TANGO6: variants seen among roughly 807,000 people sequenced by gnomAD.
The protein encoded by TANGO6 is transport and Golgi organization protein 6 homolog.
TANGO6 carries 90 observed loss-of-function variants against 114.2 expected under a neutral mutation model. The observed-to-expected ratio is 0.79, with a 90% confidence interval of 0.66 to 0.94. The LOEUF (loss-of-function observed/expected upper bound fraction) is 0.94, where lower values mean the gene tolerates loss of function less well. TANGO6 is among the 40% of genes least tolerant of loss of function. TANGO6 has a pLI of 0.00. For missense variants in TANGO6, 1,274 were observed against 1,315.3 expected (o/e 0.97, Z 0.49); for synonymous variants, 477 against 509.8 (o/e 0.94, Z 0.87).
At chr16:68,884,295 G>T (rs772478721) in intron 7 of TANGO6, among the ~76,000 whole-genome samples, 23 of 152,132 alleles carry the variant, frequency 1.5e-4, no homozygotes, top group Admixed American at 5.2e-4. Context: ...CCCTTTGAGG[G>T]TTGACCTGGC....
intron 2 of TANGO6, 26 bp from the exon 3 acceptor site, chr16:68,862,919 T>C: frequency 6.7e-7 from 1 of 1,499,396 alleles, no homozygotes; most frequent in Non-Finnish European, 9.1e-7. Context: ...TGAATTCCAC[T>C]AAAGCCAAGT....
chr16:69,012,580 G>GAAAAAAAAAAAAAAAAAAAAA (rs745623750), intron 15 of TANGO6, among the ~76,000 whole-genome samples: 1 of 108,532 alleles, frequency 9.2e-6, no homozygotes, highest in Non-Finnish European at 1.9e-5. Context: ...AAAAAAAAAG[G>GAAAAAAAAAAAAAAAAAAAAA]AAAAAAAAAA....
At chr16:69,079,469 AACT>A (rs1960434779) in intron 17 of TANGO6, among the ~76,000 whole-genome samples, 1 of 152,038 alleles carries the variant, frequency 6.6e-6, no homozygotes, top group Non-Finnish European at 1.5e-5. Context: ...TGATAAATTT[AACT>A]ACATCAAAAA....
chr16:68,911,253 A>G (rs920461856), intron 11 of TANGO6, among the ~76,000 whole-genome samples: 3 of 152,054 alleles, frequency 2.0e-5, no homozygotes, highest in Non-Finnish European at 4.4e-5. Flanking sequence ...TGCCCAGCTT[A>G]AAACCCTGTA....
intron 1 of TANGO6, among the ~76,000 whole-genome samples, chr16:68,855,994 C>A (rs1210907542): frequency 6.6e-6 from 1 of 151,668 alleles, no homozygotes; most frequent in East Asian, 1.9e-4. Context: ...TGTGAACTTG[C>A]TAAATTAATT....
At chr16:68,921,295 G>A (rs1057405736) in intron 12 of TANGO6, among the ~76,000 whole-genome samples, 3 of 150,492 alleles carry the variant, frequency 2.0e-5, no homozygotes, top group Non-Finnish European at 1.5e-5. Flanking sequence ...CAATTCTCCT[G>A]CCTCAGCCTC....
intron 11 of TANGO6, among the ~76,000 whole-genome samples, chr16:68,913,766 C>G (rs1162849620): frequency 6.6e-6 from 1 of 151,894 alleles, no homozygotes; most frequent in African/African-American, 2.4e-5. Context: ...CTTTTTACTG[C>G]AGAACCCTGG....
intron 15 of TANGO6, among the ~76,000 whole-genome samples, chr16:69,018,139 C>CTTTTTTTT (rs34796579): frequency 1.6e-4 from 12 of 77,082 alleles, no homozygotes; most frequent in Non-Finnish European, 2.2e-4. Flanking sequence ...TTGGAAATCT[C>CTTTTTTTT]TTTTTTTTTT....
intron 16 of TANGO6, among the ~76,000 whole-genome samples, chr16:69,038,313 C>G (rs752796952): frequency 2.6e-5 from 4 of 152,034 alleles, no homozygotes; most frequent in Non-Finnish European, 5.9e-5. Context: ...GCCTGTAGTC[C>G]TACCCACTCA....
At chr16:69,037,159 A>T (rs1348174454) in intron 16 of TANGO6, among the ~76,000 whole-genome samples, 1 of 151,380 alleles carries the variant, frequency 6.6e-6, no homozygotes, top group East Asian at 1.9e-4. Flanking sequence ...AAAAAAAAGA[A>T]TTGCCCTTGA....
chr16:68,940,623 C>A (rs1963343585), intron 14 of TANGO6, among the ~76,000 whole-genome samples: 1 of 146,930 alleles, frequency 6.8e-6, no homozygotes, highest in South Asian at 2.1e-4. Context: ...ATCAGGCCGA[C>A]AGGCACAAAA....
intron 17 of TANGO6, among the ~76,000 whole-genome samples, chr16:69,062,173 G>A (rs931936392): frequency 6.6e-6 from 1 of 152,270 alleles, no homozygotes; most frequent in South Asian, 2.1e-4. Context: ...TATTCTGACC[G>A]CCTGCCTTCT....
chr16:69,001,607 G>T (rs1331882030), intron 15 of TANGO6, among the ~76,000 whole-genome samples: 1 of 151,988 alleles, frequency 6.6e-6, no homozygotes, highest in Admixed American at 6.6e-5. Flanking sequence ...CATTTCTAGG[G>T]CTAAATAAGC....
chr16:69,030,789 C>T (rs867768307), intron 16 of TANGO6, among the ~76,000 whole-genome samples: 33 of 151,934 alleles, frequency 2.2e-4, no homozygotes, highest in African/African-American at 6.5e-4. Flanking sequence ...CGGTGGCTCA[C>T]GCCTGTAATC....
chr16:68,851,554 A>G (rs982630824), intron 1 of TANGO6, among the ~76,000 whole-genome samples: 8 of 152,182 alleles, frequency 5.3e-5, no homozygotes, highest in East Asian at 1.9e-4. Context: ...AGTTTATTCA[A>G]CCAGTTCTCT....
chr16:68,893,214 A>G (rs1962651794), intron 7 of TANGO6, among the ~76,000 whole-genome samples: 1 of 152,302 alleles, frequency 6.6e-6, no homozygotes, highest in Middle Eastern at 3.4e-3. Flanking sequence ...ACTTGCAGTC[A>G]AGTCAGAGAA....
At chr16:68,903,048 G>A (rs957830025) in intron 9 of TANGO6, among the ~76,000 whole-genome samples, 5 of 152,146 alleles carry the variant, frequency 3.3e-5, no homozygotes, top group African/African-American at 1.2e-4. Context: ...CTTTCTGGAT[G>A]ATCTAATGTT....
At chr16:68,964,629 C>T (rs575326371) in intron 14 of TANGO6, among the ~76,000 whole-genome samples, 17 of 147,908 alleles carry the variant, frequency 1.1e-4, no homozygotes, top group South Asian at 2.1e-4. Flanking sequence ...TGCAGTGACG[C>T]GATCTTGGCT....
chr16:68,922,939 GTTTTTTTTT>G (rs531603542), intron 12 of TANGO6, among the ~76,000 whole-genome samples: 4 of 79,054 alleles, frequency 5.1e-5, no homozygotes, highest in African/African-American at 1.6e-4. Context: ...CTTAGGTCAT[GTTTTTTTTT>G]TTTTTTTTTT....
Sources: gnomAD v4.1 joint callset for allele counts (sites outside exome capture counted in the v4.1 genomes callset) on GRCh38, gnomAD v4.1.1 for gene constraint, MANE v1.5 for transcripts, NCBI Gene and HGNC (gene_info 2026-07-23, HGNC 2026-07-21) for gene names.